Variants in ASAP1 observed in about 807,000 individuals in gnomAD.
ASAP1 encodes arf-GAP with SH3 domain, ANK repeat and PH domain-containing protein 1.
A neutral mutation model predicts 145.2 loss-of-function variants in ASAP1; 43 were observed. That is an observed-to-expected ratio of 0.30 (90% CI 0.23 to 0.38). The LOEUF (loss-of-function observed/expected upper bound fraction) is 0.38, where lower values mean the gene tolerates loss of function less well. Among genes scored for constraint, ASAP1 ranks in the 10% least tolerant of loss-of-function variants. ASAP1 has a pLI of 1.00. For synonymous variants in ASAP1, 546 were observed against 515.5 expected, an observed-to-expected ratio of 1.06 and a Z score of -0.80; for missense variants, 1,018 against 1,355.3, an observed-to-expected ratio of 0.75 and a Z score of 3.91.
At chr8:130,192,927 G>A (rs546156787) in intron 5 of ASAP1, among the ~76,000 whole-genome samples, 1 of 152,228 alleles carries the variant, frequency 6.6e-6, no homozygotes, top group Non-Finnish European at 1.5e-5. Flanking sequence ...TATCAATAGG[G>A]CACTGGCTAA....
At chr8:130,256,738 CTTATATATATATATATAT>C (rs1331788979) in intron 3 of ASAP1, among the ~76,000 whole-genome samples, 50 of 70,820 alleles carry the variant, frequency 7.1e-4, no homozygotes, top group South Asian at 6.6e-3. Flanking sequence ...TATACACATT[CTTATATATATATATATAT>C]ATATATATAT....
intron 5 of ASAP1, among the ~76,000 whole-genome samples, chr8:130,212,140 T>C (rs1347337664): frequency 1.3e-5 from 2 of 152,236 alleles, no homozygotes; most frequent in Non-Finnish European, 2.9e-5. Context: ...TGCTGGCTGT[T>C]GTCAAGTTGT....
intron 3 of ASAP1, among the ~76,000 whole-genome samples, chr8:130,293,750 T>A (rs958686002): frequency 6.6e-6 from 1 of 152,220 alleles, no homozygotes; most frequent in African/African-American, 2.4e-5. Flanking sequence ...TACAAATGTT[T>A]CTTGTGTGAA....
chr8:130,214,422 A>T, intron 5 of ASAP1, 134 bp downstream of exon 5: 1 of 843,286 alleles, frequency 1.2e-6, no homozygotes, highest in Non-Finnish European at 1.6e-6. Flanking sequence ...ACCTAGGACT[A>T]AAAAGCTTTT....
At chr8:130,233,003 T>C (rs950040872) in intron 4 of ASAP1, among the ~76,000 whole-genome samples, 5 of 152,220 alleles carry the variant, frequency 3.3e-5, no homozygotes, top group African/African-American at 1.2e-4. Flanking sequence ...ACCACTGTTT[T>C]ACTCATTTAG....
chr8:130,159,923 G>A lies in ASAP1; in HGVS notation c.951C>T (p.Leu317=), dbSNP rs2097665686. 6.2e-7 allele frequency: 1 copy of A among 1,613,894 alleles called. No individual in the cohort carries two copies. The highest frequency in any genetic ancestry group is 1.1e-5 in the South Asian group (1 of 91,082). ...CACTGCCATATTCCTTATTGCCCTG[G>A]AGCTGATGCATGCTGTATCCTCCTT... ...SRQGGYSMHQ[L]QGNKEYGSEK... is the part of the protein sequence containing the mutation. Residue 317 remains leucine, a synonymous_variant, in exon 12 of 30, where the codon CTC becomes CTT. Transcript: ENST00000518721.
Position 130,060,697 on chromosome 8 carries a change from T to C in ASAP1, c.3074A>G (p.Asp1025Gly). The change falls in exon 28 of 30, where the codon GAT (aspartate) becomes GGT (glycine). Residue 1025 changes from aspartate (D) to glycine (G), a missense_variant. Transcript: ENST00000518721. ...TCTGGACTGCACATTTGGGGATAGA[T>C]CCAATGGGTGTGACTTCAGTGTGAC... is the stretch of plus-strand genomic sequence containing the variant. Reference protein sequence around the residue: ...SEVTLKSHPLDLSPNVQSRDA... With the variant: ...SEVTLKSHPLGLSPNVQSRDA... 1 of 1,614,154 alleles carries C rather than the reference T, an allele frequency of 6.2e-7. No homozygotes were observed.
chr8:130,254,997 G>A (rs1819422253), intron 3 of ASAP1, among the ~76,000 whole-genome samples: 1 of 151,832 alleles, frequency 6.6e-6, no homozygotes, highest in African/African-American at 2.4e-5. Context: ...TCCCTTTCTG[G>A]GAAAATTAAG....
intron 24 of ASAP1, among the ~76,000 whole-genome samples, chr8:130,093,539 C>T (rs753277426): frequency 2.6e-5 from 4 of 151,820 alleles, no homozygotes; most frequent in Admixed American, 6.6e-5. Flanking sequence ...TGGCGGTGCA[C>T]GCCTGTAGTC....
At chr8:130,106,421 C>T (rs926164359) in intron 24 of ASAP1, among the ~76,000 whole-genome samples, 1 of 152,184 alleles carries the variant, frequency 6.6e-6, no homozygotes, top group African/African-American at 2.4e-5. Flanking sequence ...ATATACTGAG[C>T]AAGTCTTCAC....
At chr8:130,224,099 C>T (rs965382573) in intron 4 of ASAP1, among the ~76,000 whole-genome samples, 6 of 152,146 alleles carry the variant, frequency 3.9e-5, no homozygotes, top group Non-Finnish European at 4.4e-5. Context: ...TTGTTATACG[C>T]CCAGTTCCCA....
At chr8:130,158,452 G>A (rs1269530598) in intron 12 of ASAP1, among the ~76,000 whole-genome samples, 1 of 152,140 alleles carries the variant, frequency 6.6e-6, no homozygotes, top group East Asian at 1.9e-4. Flanking sequence ...GAATTGGGAG[G>A]TTGTAGTGAG....
At chr8:130,284,529 A>G (rs571936524) in intron 3 of ASAP1, among the ~76,000 whole-genome samples, 1 of 152,224 alleles carries the variant, frequency 6.6e-6, no homozygotes, top group East Asian at 1.9e-4. Flanking sequence ...AAAATAAACT[A>G]AAAGGGATGC....
At chr8:130,057,895 T>C (rs945070806) in intron 29 of ASAP1, 59 bp downstream of exon 29, 2 of 1,598,754 alleles carry the variant, frequency 1.3e-6, no homozygotes, top group Non-Finnish European at 1.7e-6. Flanking sequence ...TCCAATGTGG[T>C]GCCTGCCCAG....
At chr8:130,379,525 G>A (rs1827667859) in intron 2 of ASAP1, among the ~76,000 whole-genome samples, 2 of 152,210 alleles carry the variant, frequency 1.3e-5, no homozygotes, top group South Asian at 4.1e-4. Flanking sequence ...TGTTCTATGG[G>A]ACTGAGCCCA....
chr8:130,427,222 C>T (rs878975039), intron 1 of ASAP1, among the ~76,000 whole-genome samples: 1 of 152,186 alleles, frequency 6.6e-6, no homozygotes, highest in African/African-American at 2.4e-5. Flanking sequence ...TTTAAAGAAC[C>T]GGAGAGCAAT....
intron 3 of ASAP1, among the ~76,000 whole-genome samples, chr8:130,249,619 T>C (rs1008496902): frequency 6.6e-6 from 1 of 152,194 alleles, no homozygotes; most frequent in South Asian, 2.1e-4. Context: ...CATTCACTAG[T>C]GCTATGAGAG....
At chr8:130,262,284 A>T (rs1369069672) in intron 3 of ASAP1, among the ~76,000 whole-genome samples, 1 of 148,852 alleles carries the variant, frequency 6.7e-6, no homozygotes, top group Non-Finnish European at 1.5e-5. Context: ...AATCCCAGCT[A>T]CTTGGGAGGC....
intron 3 of ASAP1, among the ~76,000 whole-genome samples, chr8:130,352,684 T>C (rs1826070835): frequency 6.6e-6 from 1 of 152,212 alleles, no homozygotes; most frequent in Admixed American, 6.5e-5. Flanking sequence ...ACTGCTGTAA[T>C]CCTGAATTTC....
Sources: gnomAD v4.1 joint callset for allele counts (sites outside exome capture counted in the v4.1 genomes callset) on GRCh38, gnomAD v4.1.1 for gene constraint, MANE v1.5 for transcripts, NCBI Gene and HGNC (gene_info 2026-07-23, HGNC 2026-07-21) for gene names.